DRC9: variants seen among roughly 807,000 people sequenced by gnomAD.
DRC9 encodes the protein dynein regulatory complex subunit 9.
the DRC9 span, among the ~76,000 whole-genome samples, chr3:197,904,569 TAAAGA>T: frequency 6.6e-6 from 1 of 152,020 alleles, no homozygotes; most frequent in Non-Finnish European, 1.5e-5. Context: ...GACGAACGGA[TAAAGA>T]AAAGGTGGGG....
At chr3:197,909,015 C>T in the DRC9 span, among the ~76,000 whole-genome samples, 5 of 152,250 alleles carry the variant, frequency 3.3e-5, no homozygotes, top group African/African-American at 1.2e-4. Context: ...TCCTCAGACA[C>T]AGGAGGGCAG....
At chr3:197,959,989 G>A in the DRC9 span, 3 of 553,760 alleles carry the variant, frequency 5.4e-6, no homozygotes, top group East Asian at 5.9e-5. Context: ...GCCAACGCCC[G>A]CTAGCCTTTC....
At chr3:197,916,771 TCC>T in the DRC9 span, among the ~76,000 whole-genome samples, 1 of 151,984 alleles carries the variant, frequency 6.6e-6, no homozygotes, top group Admixed American at 6.6e-5. Context: ...GGACAAATCC[TCC>T]GTTAAGGAAA....
At chr3:197,912,693 G>A in the DRC9 span, 1 of 1,613,550 alleles carries the variant, frequency 6.2e-7, no homozygotes, top group African/African-American at 1.3e-5. Context: ...CCTTTCTAAG[G>A]AACATTTCAA....
chr3:197,947,322 A>AAT, the DRC9 span, among the ~76,000 whole-genome samples: 1 of 152,146 alleles, frequency 6.6e-6, no homozygotes, highest in Non-Finnish European at 1.5e-5. Context: ...TAAAATGGAA[A>AAT]ATCTCATCAT....
chr3:197,893,226 G>A, the DRC9 span, among the ~76,000 whole-genome samples: 4 of 151,818 alleles, frequency 2.6e-5, no homozygotes, highest in South Asian at 2.1e-4. Flanking sequence ...GCATGGTGGC[G>A]CATACCTGTA....
the DRC9 span, chr3:197,954,596 G>A: frequency 4.0e-6 from 1 of 251,402 alleles, no homozygotes; most frequent in Non-Finnish European, 7.9e-6. Context: ...TGCTACCTTT[G>A]CCTCCAAAGT....
chr3:197,947,391 T>A, the DRC9 span, among the ~76,000 whole-genome samples: 69 of 152,352 alleles, frequency 4.5e-4, no homozygotes, highest in African/African-American at 1.5e-3. Context: ...AAGAAAATTC[T>A]TGACTTGGTC....
At chr3:197,932,967 T>TTATATTA in the DRC9 span, among the ~76,000 whole-genome samples, 170 of 135,416 alleles carry the variant, frequency 1.3e-3, 1 homozygote, top group African/African-American at 4.5e-3. Flanking sequence ...TTATTATATA[T>TTATATTA]TATATTATAT....
the DRC9 span, chr3:197,945,799 A>G: frequency 6.9e-6 from 4 of 578,398 alleles, no homozygotes; most frequent in Admixed American, 3.5e-5. Context: ...AGCTGTGACT[A>G]TCGCCTCTTT....
the DRC9 span, among the ~76,000 whole-genome samples, chr3:197,928,917 C>A: frequency 6.6e-6 from 1 of 152,236 alleles, no homozygotes; most frequent in East Asian, 1.9e-4. Flanking sequence ...CACAACTGTG[C>A]CACAGGGCTA....
the DRC9 span, among the ~76,000 whole-genome samples, chr3:197,918,082 A>G: frequency 7.3e-6 from 1 of 136,780 alleles, no homozygotes; most frequent in Admixed American, 7.6e-5. Context: ...TCCAAATTGT[A>G]TGGCAGTCAG....
chr3:197,955,633 C>CT, the DRC9 span: 3 of 944,590 alleles, frequency 3.2e-6, no homozygotes. Context: ...AAAAACTTTC[C>CT]TTACCACTAG....
chr3:197,951,221 C>G, the DRC9 span: 4 of 1,614,176 alleles, frequency 2.5e-6, no homozygotes, highest in East Asian at 4.5e-5. Context: ...AGGGAGCACA[C>G]AGCTCTTCTT....
the DRC9 span, among the ~76,000 whole-genome samples, chr3:197,898,001 T>C: frequency 4.6e-5 from 7 of 151,008 alleles, no homozygotes; most frequent in African/African-American, 1.7e-4. Context: ...CAGGATGGTC[T>C]CGATCTCCTG....
the DRC9 span, chr3:197,913,860 G>A: frequency 6.2e-7 from 1 of 1,612,600 alleles, no homozygotes. Flanking sequence ...CTGGGTTCTT[G>A]GCTAATGTCC....
chr3:197,949,817 A>G, the DRC9 span: 10 of 375,480 alleles, frequency 2.7e-5, no homozygotes, highest in African/African-American at 1.7e-4. Context: ...AAAGCACCCC[A>G]CTGTTGGCAA....
chr3:197,944,068 GA>G, the DRC9 span: 2 of 1,594,844 alleles, frequency 1.3e-6, no homozygotes, highest in East Asian at 4.5e-5. Flanking sequence ...AAAGAATAAA[GA>G]AAAAATAAGT....
At chr3:197,905,944 GA>G in the DRC9 span, among the ~76,000 whole-genome samples, 4 of 150,310 alleles carry the variant, frequency 2.7e-5, no homozygotes, top group South Asian at 6.3e-4. Flanking sequence ...CTTTTAACAA[GA>G]AAAAAAGATA....
Sources: gnomAD v4.1 joint callset for allele counts (sites outside exome capture counted in the v4.1 genomes callset) on GRCh38, gnomAD v4.1.1 for gene constraint, MANE v1.5 for transcripts, NCBI Gene and HGNC (gene_info 2026-07-23, HGNC 2026-07-21) for gene names.